The following TRAPPC9 variants were observed in gnomAD, a reference collection of about 807,000 sequenced individuals.
TRAPPC9 encodes IKK2 binding protein.
Under a neutral mutation model 124.0 loss-of-function variants are expected in TRAPPC9, and 83 were observed. The observed-to-expected ratio is 0.67, with a 90% CI of 0.56 to 0.80. TRAPPC9 has a LOEUF of 0.80. Among genes scored for constraint, TRAPPC9 ranks in the 30% least tolerant of loss-of-function variants. The pLI, the probability that TRAPPC9 is intolerant of heterozygous loss-of-function variation, is 0.00. For synonymous variants in TRAPPC9, 638 were observed against 617.5 expected (o/e 1.03, Z -0.49); for missense variants, 1,302 against 1,508.3 (o/e 0.86, Z 2.27).
chr8:140,033,366 T>A (rs977717290), intron 17 of TRAPPC9, among the ~76,000 whole-genome samples: 1 of 152,144 alleles, frequency 6.6e-6, no homozygotes, highest in Non-Finnish European at 1.5e-5. Flanking sequence ...ACTGGACAAA[T>A]GTGTAGAAAC....
intron 19 of TRAPPC9, among the ~76,000 whole-genome samples, chr8:139,944,930 G>A (rs943197953): frequency 2.0e-5 from 3 of 152,022 alleles, no homozygotes; most frequent in Admixed American, 6.6e-5. Flanking sequence ...TGAGATCAGC[G>A]TGGCCAACAT....
At chr8:140,124,511 T>C (rs959518210) in intron 17 of TRAPPC9, among the ~76,000 whole-genome samples, 1 of 152,174 alleles carries the variant, frequency 6.6e-6, no homozygotes. Context: ...TCAGGTCACA[T>C]GTACACAAGG....
intron 4 of TRAPPC9, among the ~76,000 whole-genome samples, chr8:140,430,820 TG>T (rs1364148222): frequency 1.3e-5 from 2 of 151,878 alleles, no homozygotes; most frequent in African/African-American, 4.8e-5. Context: ...TTGTATTTTT[TG>T]TAGAGATAGG....
chr8:139,739,788 G>A (rs572279617), intron 21 of TRAPPC9, among the ~76,000 whole-genome samples: 24 of 152,322 alleles, frequency 1.6e-4, no homozygotes, highest in African/African-American at 4.6e-4. Context: ...GTTCCTCCTC[G>A]TCAGGAAGCT....
chr8:139,934,953 C>T (rs977580201), intron 19 of TRAPPC9, among the ~76,000 whole-genome samples: 2 of 152,216 alleles, frequency 1.3e-5, no homozygotes, highest in African/African-American at 4.8e-5. Flanking sequence ...ACCTGCTTCC[C>T]AGGCTTGTTG....
At chr8:139,836,167 C>A (rs981236083) in intron 21 of TRAPPC9, among the ~76,000 whole-genome samples, 1 of 152,154 alleles carries the variant, frequency 6.6e-6, no homozygotes, top group South Asian at 2.1e-4. Context: ...CACCGCCACA[C>A]CTGGCTAATT....
chr8:140,431,445 CA>C (rs903887167), intron 4 of TRAPPC9, among the ~76,000 whole-genome samples: 29 of 142,600 alleles, frequency 2.0e-4, no homozygotes, highest in African/African-American at 1.5e-4. Flanking sequence ...GACTCTGTCT[CA>C]AAAAAAAAAA....
chr8:140,438,116 T>G lies in TRAPPC9; in HGVS notation c.730+936A>C, dbSNP rs112680404. 5.2e-3 allele frequency among the ~76,000 whole-genome samples: 797 copies of G among 152,310 alleles called. 10 individuals are homozygous for G. The highest frequency in any genetic ancestry group is 0.018 in the African/African-American group (755 of 41,556). On this transcript the variant is annotated intron_variant, in intron 3 of 22. Coordinates refer to ENST00000438773, the MANE Select transcript of TRAPPC9 (RefSeq NM_001160372.4). ...ACCACTAACTGACTCTGGAACATTT[T>G]CATCACCCCAGAAAGAAACCTTATG...
chr8:139,923,820 T>C (rs1416403316), intron 19 of TRAPPC9, among the ~76,000 whole-genome samples: 1 of 152,224 alleles, frequency 6.6e-6, no homozygotes, highest in Non-Finnish European at 1.5e-5. Flanking sequence ...TTTAAGGCAG[T>C]GAAATGCCCC....
At chr8:140,158,005 A>T (rs1345757067) in intron 17 of TRAPPC9, among the ~76,000 whole-genome samples, 1 of 152,214 alleles carries the variant, frequency 6.6e-6, no homozygotes, top group African/African-American at 2.4e-5. Context: ...CATATGTCAT[A>T]ATTTCATTCC....
chr8:139,833,510 T>G (rs967985788), intron 21 of TRAPPC9, among the ~76,000 whole-genome samples: 2 of 152,220 alleles, frequency 1.3e-5, no homozygotes, highest in Non-Finnish European at 2.9e-5. Flanking sequence ...CCACGGCACC[T>G]GGCTGACTTC....
intron 21 of TRAPPC9, among the ~76,000 whole-genome samples, chr8:139,811,525 A>T (rs952857421): frequency 6.6e-6 from 1 of 152,284 alleles, no homozygotes; most frequent in African/African-American, 2.4e-5. Flanking sequence ...TTACAGAACC[A>T]GAACATTGGA....
At chr8:140,139,506 A>C (rs1326826976) in intron 17 of TRAPPC9, among the ~76,000 whole-genome samples, 1 of 152,232 alleles carries the variant, frequency 6.6e-6, no homozygotes, top group East Asian at 1.9e-4. Context: ...ATCCTTATAT[A>C]ACAGCGCCAA....
chr8:140,068,172 G>T (rs764870920), intron 17 of TRAPPC9, among the ~76,000 whole-genome samples: 4 of 152,140 alleles, frequency 2.6e-5, no homozygotes, highest in Non-Finnish European at 4.4e-5. Context: ...CCAGTGCTAT[G>T]CGTGCCACCC....
chr8:140,118,225 C>T (rs142340079), intron 17 of TRAPPC9, among the ~76,000 whole-genome samples: 21 of 152,294 alleles, frequency 1.4e-4, no homozygotes, highest in East Asian at 9.6e-4. Flanking sequence ...ACAGACCAGC[C>T]GCCTGGAATG....
chr8:139,917,162 A>ATTATTATTTTTTTTTTTT (rs1832191226), intron 19 of TRAPPC9, among the ~76,000 whole-genome samples: 1 of 70,928 alleles, frequency 1.4e-5, no homozygotes, highest in African/African-American at 6.9e-5. Flanking sequence ...CTTCATTATT[A>ATTATTATTTTTTTTTTTT]TTTTCTTTTT....
At chr8:140,330,646 C>T (rs1348697598) in intron 9 of TRAPPC9, among the ~76,000 whole-genome samples, 1 of 152,148 alleles carries the variant, frequency 6.6e-6, no homozygotes, top group Non-Finnish European at 1.5e-5. Context: ...ACATCTATTT[C>T]AAGCACTGCC....
chr8:139,764,560 C>T (rs528230597), intron 21 of TRAPPC9, among the ~76,000 whole-genome samples: 169 of 152,304 alleles, frequency 1.1e-3, no homozygotes, highest in Non-Finnish European at 2.2e-3. Flanking sequence ...GAGTGAGACA[C>T]GGGTTCAGCT....
At chr8:140,084,782 G>A (rs1844080107) in intron 17 of TRAPPC9, among the ~76,000 whole-genome samples, 1 of 152,216 alleles carries the variant, frequency 6.6e-6, no homozygotes, top group African/African-American at 2.4e-5. Context: ...TCAAAGGGTA[G>A]GATAAGCTTT....
Sources: gnomAD v4.1 joint callset for allele counts (sites outside exome capture counted in the v4.1 genomes callset) on GRCh38, gnomAD v4.1.1 for gene constraint, MANE v1.5 for transcripts, NCBI Gene and HGNC (gene_info 2026-07-23, HGNC 2026-07-21) for gene names.